LOC128125817: variants seen among roughly 807,000 people sequenced by gnomAD.
chr1:41,591,860 T>C, the LOC128125817 span, among the ~76,000 whole-genome samples: 1 of 152,092 alleles, frequency 6.6e-6, no homozygotes, highest in Non-Finnish European at 1.5e-5. Flanking sequence ...TGGGAGACAC[T>C]GACTCCCAGA....
chr1:41,626,366 C>T, the LOC128125817 span, among the ~76,000 whole-genome samples: 3 of 152,222 alleles, frequency 2.0e-5, no homozygotes, highest in African/African-American at 4.8e-5. Flanking sequence ...AGGGAGAACA[C>T]AGGCAGAGGC....
the LOC128125817 span, among the ~76,000 whole-genome samples, chr1:41,615,802 G>A: frequency 9.3e-6 from 1 of 107,756 alleles, no homozygotes; most frequent in African/African-American, 3.6e-5. Context: ...GGCTTCCACT[G>A]TATTTGACAA....
the LOC128125817 span, among the ~76,000 whole-genome samples, chr1:41,615,883 C>A: frequency 1.9e-4 from 23 of 122,884 alleles, no homozygotes; most frequent in Admixed American, 1.7e-3. Context: ...TATTATCATG[C>A]ATAATATTGC....
At chr1:41,619,564 A>C in the LOC128125817 span, among the ~76,000 whole-genome samples, 1 of 152,186 alleles carries the variant, frequency 6.6e-6, no homozygotes, top group East Asian at 1.9e-4. Context: ...CTTATGTCTA[A>C]GTAGGGCCGA....
the LOC128125817 span, among the ~76,000 whole-genome samples, chr1:41,602,290 A>G: frequency 6.6e-6 from 1 of 151,792 alleles, no homozygotes; most frequent in African/African-American, 2.4e-5. Context: ...CTCCTCTTCA[A>G]TTTTTTTTGG....
At chr1:41,604,787 G>A in the LOC128125817 span, among the ~76,000 whole-genome samples, 3 of 152,034 alleles carry the variant, frequency 2.0e-5, no homozygotes, top group Admixed American at 6.5e-5. Flanking sequence ...AAGGATAGGC[G>A]AAAAACCAAT....
At chr1:41,625,493 T>C in the LOC128125817 span, among the ~76,000 whole-genome samples, 25 of 152,216 alleles carry the variant, frequency 1.6e-4, no homozygotes, top group African/African-American at 6.0e-4. Context: ...GAACCTCAGA[T>C]TTCAATGTGT....
At chr1:41,608,647 T>C in the LOC128125817 span, among the ~76,000 whole-genome samples, 1 of 152,254 alleles carries the variant, frequency 6.6e-6, no homozygotes, top group African/African-American at 2.4e-5. Flanking sequence ...TGGGCTGCAA[T>C]GTTTTCTGCT....
At chr1:41,625,162 C>CAAA in the LOC128125817 span, among the ~76,000 whole-genome samples, 14 of 71,230 alleles carry the variant, frequency 2.0e-4, no homozygotes, top group Non-Finnish European at 2.0e-4. Context: ...GATTCCAACT[C>CAAA]AAAAAAAAAA....
the LOC128125817 span, among the ~76,000 whole-genome samples, chr1:41,596,555 A>T: frequency 1.3e-5 from 2 of 152,332 alleles, no homozygotes; most frequent in Non-Finnish European, 2.9e-5. Context: ...ACTAGGCTCC[A>T]TTCAGATTTG....
chr1:41,587,833 T>C, the LOC128125817 span, among the ~76,000 whole-genome samples: 1 of 152,148 alleles, frequency 6.6e-6, no homozygotes, highest in Non-Finnish European at 1.5e-5. Flanking sequence ...TAATAGAAGT[T>C]CTCTGTGGCT....
At chr1:41,628,691 C>T in the LOC128125817 span, 1 of 1,172,534 alleles carries the variant, frequency 8.5e-7, no homozygotes, top group Non-Finnish European at 1.1e-6. Flanking sequence ...CAAGCTCATG[C>T]AAGACAGACC....
chr1:41,609,596 A>G, the LOC128125817 span, among the ~76,000 whole-genome samples: 14,245 of 152,276 alleles, frequency 0.094, 727 homozygotes, highest in Middle Eastern at 0.18. Flanking sequence ...GCTGTCTCCA[A>G]TCCATAATGA....
chr1:41,597,652 G>T, the LOC128125817 span, among the ~76,000 whole-genome samples: 1 of 152,126 alleles, frequency 6.6e-6, no homozygotes, highest in Non-Finnish European at 1.5e-5. Flanking sequence ...GACCCTCAAG[G>T]CAGCCAGGCC....
the LOC128125817 span, among the ~76,000 whole-genome samples, chr1:41,617,833 T>C: frequency 1.3e-5 from 2 of 152,222 alleles, no homozygotes; most frequent in Non-Finnish European, 2.9e-5. Flanking sequence ...CACTCTTTAA[T>C]TAGAGAAGAT....
the LOC128125817 span, chr1:41,628,771 G>A: frequency 1.6e-5 from 20 of 1,232,000 alleles, no homozygotes; most frequent in African/African-American, 1.6e-5. Context: ...CACCACTTCC[G>A]ATGACCAAAA....
At chr1:41,601,918 C>T in the LOC128125817 span, among the ~76,000 whole-genome samples, 4 of 152,070 alleles carry the variant, frequency 2.6e-5, no homozygotes, top group Non-Finnish European at 4.4e-5. Context: ...TACTTTCCCT[C>T]TAGTCTTAGT....
chr1:41,587,097 G>A, the LOC128125817 span, among the ~76,000 whole-genome samples: 5 of 152,110 alleles, frequency 3.3e-5, no homozygotes, highest in African/African-American at 1.2e-4. Flanking sequence ...TAGCCAGACA[G>A]GATGGAACAT....
At chr1:41,623,257 C>T in the LOC128125817 span, among the ~76,000 whole-genome samples, 3 of 152,202 alleles carry the variant, frequency 2.0e-5, no homozygotes, top group East Asian at 1.9e-4. Context: ...CGAGAAACCA[C>T]GAAACTTCCT....
Sources: gnomAD v4.1 joint callset for allele counts (sites outside exome capture counted in the v4.1 genomes callset) on GRCh38, gnomAD v4.1.1 for gene constraint, MANE v1.5 for transcripts.